Variants in ZNF37A observed in about 807,000 individuals in gnomAD.
ZNF37A encodes zinc finger protein 37A.
A neutral mutation model predicts 12.3 loss-of-function variants in ZNF37A; 10 were observed. That is an observed-to-expected ratio of 0.82 (90% CI 0.50 to 1.38). The LOEUF is 1.38. Among genes scored for constraint, ZNF37A ranks in the 40% most tolerant of loss-of-function variants. The pLI, the probability that ZNF37A is intolerant of heterozygous loss-of-function variation, is 0.00. For missense variants in ZNF37A, 580 were observed against 651.2 expected (o/e 0.89, Z 1.19); for synonymous variants, 207 against 223.0 (o/e 0.93, Z 0.64).
rs1357083836 is a variant in ZNF37A, at chr10:38,117,697, C to T, written c.546C>T (p.Thr182=). ...KTCKYTEHGK[T]CDMSFFITHQ... ...GCAAATATACTGAACATGGGAAAAC[C>T]TGTGATATGTCATTTTTCATCACTC... The change falls in exon 8 of 8, where the codon ACC becomes ACT. Residue 182 remains threonine, a synonymous_variant. Coordinates refer to ENST00000685332, the MANE Select transcript of ZNF37A (RefSeq NM_001324250.3). 6.2e-7 allele frequency: 1 copy of T among 1,613,914 alleles called. No homozygotes were observed. Among genetic ancestry groups the T allele is most frequent in the Admixed American group, 1.7e-5 (1 of 59,944 alleles).
At chr10:38,145,223 A>T (rs1296342778) in intron 7 of ZNF37A, among the ~76,000 whole-genome samples, 4 of 150,454 alleles carry the variant, frequency 2.7e-5, no homozygotes, top group African/African-American at 9.8e-5. Flanking sequence ...AGGGAAAAAA[A>T]GGATCAGAAT....
At chr10:38,130,907 A>C (rs1203885300) in intron 7 of ZNF37A, among the ~76,000 whole-genome samples, 1 of 152,206 alleles carries the variant, frequency 6.6e-6, no homozygotes, top group African/African-American at 2.4e-5. Context: ...CTAAGTAGAA[A>C]GGGGTATCTA....
chr10:38,134,894 C>A (rs906602626), intron 7 of ZNF37A, among the ~76,000 whole-genome samples: 2 of 152,146 alleles, frequency 1.3e-5, no homozygotes, highest in African/African-American at 4.8e-5. Context: ...TTTTGATATG[C>A]GTTATAAGTT....
intron 5 of ZNF37A, among the ~76,000 whole-genome samples, chr10:38,103,812 T>A (rs1233565389): frequency 6.6e-6 from 1 of 152,234 alleles, no homozygotes; most frequent in Non-Finnish European, 1.5e-5. Flanking sequence ...TTAGTGGTCG[T>A]CTGTGATTTG....
rs2069506640 is a variant in ZNF37A at position 38,118,776 on chromosome 10, A to G, written c.1625A>G (p.Gln542Arg). 1.9e-6 allele frequency: 3 copies of G among 1,610,826 alleles called. No homozygotes were observed. Among genetic ancestry groups the G allele is most frequent in the Admixed American group, 1.7e-5 (1 of 59,556 alleles). ...GTTAAGTCAAAACTAACTGTACATC[A>G]GAGAATACACTTGGGGAGAAACCCT... is the stretch of plus-strand genomic sequence containing the variant. ...FYVKSKLTVH[Q>R]RIHLGRNPIN... Residue 542 changes from glutamine to arginine, a missense_variant, in exon 8 of 8, where the codon CAG (glutamine) becomes CGG (arginine). Coordinates refer to ENST00000685332, the MANE Select transcript of ZNF37A (RefSeq NM_001324250.3).
chr10:38,112,300 C>T (rs1455542380), intron 5 of ZNF37A, among the ~76,000 whole-genome samples: 2 of 152,086 alleles, frequency 1.3e-5, no homozygotes, highest in African/African-American at 4.8e-5. Flanking sequence ...GAAGTAAAAC[C>T]TTCGGGTCTT....
intron 4 of ZNF37A, among the ~76,000 whole-genome samples, chr10:38,096,046 T>C (rs2067127419): frequency 6.6e-6 from 1 of 151,684 alleles, no homozygotes; most frequent in Non-Finnish European, 1.5e-5. Flanking sequence ...ATTAGCCGGG[T>C]GTGGTGGTGC....
rs1232355691 is a variant in ZNF37A, at chr10:38,119,947, G to C, written c.*1110G>C. The stretch of plus-strand genomic sequence containing the variant: ...TGTATGCAACTTATGAGGATTAGTA[G>C]AAGAGAGTGGGTCCAGATTTCTGGT... On this transcript the variant is annotated 3_prime_UTR_variant, in exon 8 of 8. Coordinates refer to ENST00000685332, the MANE Select transcript of ZNF37A (RefSeq NM_001324250.3). 1 of 152,198 alleles carries C rather than the reference G, an allele frequency of 6.6e-6. No homozygotes were observed. Among genetic ancestry groups the C allele is most frequent in the African/African-American group, 2.4e-5 (1 of 41,460 alleles). The allele number at this position is 152,198 out of a possible 1,614,324, so 9.4% of individuals were successfully genotyped here.
chr10:38,113,159 G>A (rs1185385894), intron 5 of ZNF37A, among the ~76,000 whole-genome samples: 1 of 150,328 alleles, frequency 6.7e-6, no homozygotes, highest in Non-Finnish European at 1.5e-5. Flanking sequence ...TCATAGTTAG[G>A]CAAATATTAA....
chr10:38,105,711 A>T (rs748170540), intron 5 of ZNF37A, among the ~76,000 whole-genome samples: 45 of 152,320 alleles, frequency 3.0e-4, no homozygotes, highest in Non-Finnish European at 5.7e-4. Context: ...TGTGAAGGGG[A>T]CATACATTCA....
At chr10:38,144,992 C>T (rs1219128832) in intron 7 of ZNF37A, among the ~76,000 whole-genome samples, 5 of 151,986 alleles carry the variant, frequency 3.3e-5, no homozygotes, top group African/African-American at 1.2e-4. Flanking sequence ...AGGAATTTTC[C>T]AAATGGGAGG....
chr10:38,133,855 G>A (rs1187386499), intron 7 of ZNF37A, among the ~76,000 whole-genome samples: 2 of 152,158 alleles, frequency 1.3e-5, no homozygotes, highest in African/African-American at 2.4e-5. Flanking sequence ...GGGTCAAATG[G>A]TATTTCTAGT....
chr10:38,098,223 G>A (rs1364610951), intron 5 of ZNF37A, among the ~76,000 whole-genome samples: 1 of 152,138 alleles, frequency 6.6e-6, no homozygotes, highest in Non-Finnish European at 1.5e-5. Context: ...ATCTGTTGAT[G>A]GACATTGGGG....
At chr10:38,128,842 C>T (rs569066778), downstream of ZNF37A, among the ~76,000 whole-genome samples, 3 of 152,288 alleles carry the variant, frequency 2.0e-5, no homozygotes, top group South Asian at 2.1e-4. Context: ...CAATCTCCCC[C>T]TCCCGGGTTC....
chr10:38,105,454 C>A (rs1405326004), intron 5 of ZNF37A, among the ~76,000 whole-genome samples: 1 of 152,084 alleles, frequency 6.6e-6, no homozygotes, highest in Non-Finnish European at 1.5e-5. Flanking sequence ...TTAAAAGGGG[C>A]CATTTGACTA....
chr10:38,108,889 A>G (rs929071571), intron 5 of ZNF37A, among the ~76,000 whole-genome samples: 1 of 152,244 alleles, frequency 6.6e-6, no homozygotes, highest in African/African-American at 2.4e-5. Flanking sequence ...TTCACAGCCG[A>G]ATACTACCAG....
In ZNF37A at chr10:38,124,298, G is replaced by T. The variant is rs530298866; in HGVS notation, c.*5461G>T. On this transcript the variant is annotated 3_prime_UTR_variant, in exon 8 of 8. Coordinates refer to ENST00000685332, the MANE Select transcript of ZNF37A (RefSeq NM_001324250.3). Reference sequence around the variant, plus strand: ...AAAACAACTGAACTTATAGAGGGTAGAAGGATGTTTACCAGAGGCGGGAAA... The same window carrying T: ...AAAACAACTGAACTTATAGAGGGTATAAGGATGTTTACCAGAGGCGGGAAA... 6.6e-5 allele frequency: 10 copies of T among 152,326 alleles called. No individual in the cohort carries two copies. The highest frequency in any genetic ancestry group is 2.4e-4 in the African/African-American group (10 of 41,558). 9.4% of individuals were successfully genotyped at this position (152,326 alleles called of 1,614,324 possible).
intron 5 of ZNF37A, among the ~76,000 whole-genome samples, chr10:38,096,957 G>A (rs1341535718): frequency 6.6e-6 from 1 of 152,232 alleles, no homozygotes; most frequent in East Asian, 1.9e-4. Context: ...TATGAGGGCA[G>A]AGTTGACTGG....
Position 38,117,679 on chromosome 10 carries a change from T to C in ZNF37A, c.528T>C (p.Tyr176=), listed in dbSNP as rs1392394523. Residue 176 remains tyrosine, a synonymous_variant, in exon 8 of 8, where the codon TAT becomes TAC. Coordinates refer to ENST00000685332, the MANE Select transcript of ZNF37A (RefSeq NM_001324250.3). ...RGYTGQKTCK[Y]TEHGKTCDMS... is the part of the protein sequence containing the mutation. ...ACACAGGACAGAAAACCTGCAAATA[T>C]ACTGAACATGGGAAAACCTGTGATA... 1 of 1,613,934 alleles carries C rather than the reference T, an allele frequency of 6.2e-7. No individual in the cohort carries two copies. Among genetic ancestry groups the C allele is most frequent in the South Asian group, 1.1e-5 (1 of 91,070 alleles).
Sources: allele counts gnomAD v4.1 joint callset (sites outside exome capture counted in the v4.1 genomes callset), GRCh38; gene constraint gnomAD v4.1.1; transcripts MANE v1.5; gene names NCBI Gene and HGNC (gene_info 2026-07-23, HGNC 2026-07-21).